The following UBTF variants were observed in gnomAD, a reference collection of about 807,000 sequenced individuals.
UBTF encodes nucleolar transcription factor 1.
In UBTF, 8 loss-of-function variants were observed where a neutral mutation model predicts 112.3. The observed-to-expected ratio is 0.07, with a 90% CI of 0.04 to 0.13. UBTF has a LOEUF of 0.13. Ranked by LOEUF, UBTF falls within the 10% of genes least tolerant of loss-of-function variation. UBTF has a pLI of 1.00. For missense variants in UBTF, 457 were observed against 982.1 expected (o/e 0.47, Z 7.15); for synonymous variants, 417 against 373.1 (o/e 1.12, Z -1.36).
At chr17:44,219,944 CG>C (rs1200059266), upstream of UBTF, among the ~76,000 whole-genome samples, 1 of 148,640 alleles carries the variant, frequency 6.7e-6, no homozygotes, top group Non-Finnish European at 1.5e-5. Context: ...GCGGGCTCCG[CG>C]GGGGGCAGCT....
chr17:44,214,800 C>T (rs960004257), intron 5 of UBTF, among the ~76,000 whole-genome samples: 5 of 152,294 alleles, frequency 3.3e-5, no homozygotes, highest in African/African-American at 1.2e-4. Flanking sequence ...AGCAGATGTG[C>T]TTCTTGTCTT....
chr17:44,218,130 A>C, intron 2 of UBTF, 42 bp downstream of exon 2: 5 of 1,599,814 alleles, frequency 3.1e-6, no homozygotes, highest in Non-Finnish European at 4.3e-6. Flanking sequence ...CACGAGGGAA[A>C]GAGGGTTTAA....
intron 1 of UBTF, chr17:44,219,171 G>T (rs2144560856): frequency 6.6e-6 from 1 of 150,906 alleles, no homozygotes; most frequent in African/African-American, 2.4e-5. Flanking sequence ...GCGCTCACCG[G>T]CCCCGCCGCC....
At chr17:44,217,208 C>G (rs937642166) in intron 2 of UBTF, among the ~76,000 whole-genome samples, 4 of 152,130 alleles carry the variant, frequency 2.6e-5, no homozygotes, top group African/African-American at 9.7e-5. Flanking sequence ...GTCTCTCCTG[C>G]ACAGCTGGAA....
Position 44,219,426 on chromosome 17 carries a change from C to A in UBTF, c.-68+19G>T. 1 of 151,774 alleles carries A rather than the reference C, an allele frequency of 6.6e-6. No individual in the cohort carries two copies. Among genetic ancestry groups the A allele is most frequent in the South Asian group, 2.0e-4 (1 of 4,998 alleles). The allele number at this position is 151,774 out of a possible 1,614,324, so 9.4% of individuals were successfully genotyped here. A position where few individuals can be genotyped will look rare whatever the true frequency, so the allele number is the denominator to read the frequency against. On this transcript the variant is annotated intron_variant, in intron 1 of 20. Coordinates refer to ENST00000436088, the MANE Select transcript of UBTF (RefSeq NM_014233.4). Reference sequence around the variant, plus strand: ...GTCCGGCCCCGACCCCAGCGCGCGTCCTCAGCCGCCTCGGTTACCCGGCGC... The same window carrying A: ...GTCCGGCCCCGACCCCAGCGCGCGTACTCAGCCGCCTCGGTTACCCGGCGC...
Position 44,207,868 on chromosome 17 carries a change from G to A in UBTF, c.1949C>T (p.Ser650Phe). The change falls in exon 18 of 21, where the codon TCC (serine) becomes TTC (phenylalanine). Residue 650 changes from serine (S) to phenylalanine (F), a missense_variant. Around this residue, in one of 7 missense-constraint regions of UBTF, gnomAD observed 139 missense variants for 157.5 expected, o/e 0.88. Coordinates refer to ENST00000436088, the MANE Select transcript of UBTF (RefSeq NM_014233.4). ...CTGCTCTGCTCCCAGACTCACATTG[G>A]AGATGTACTCTTTATATGCTGCACG... ...QDRAAYKEYI[S>F]NKRKSMTKLR... 2 of 1,614,036 alleles carry A rather than the reference G, an allele frequency of 1.2e-6. No individual in the cohort carries two copies. Among genetic ancestry groups the A allele is most frequent in the Non-Finnish European group, 1.7e-6 (2 of 1,180,006 alleles).
At chr17:44,218,760 C>G (rs2046994724) in intron 1 of UBTF, among the ~76,000 whole-genome samples, 1 of 151,378 alleles carries the variant, frequency 6.6e-6, no homozygotes, top group Non-Finnish European at 1.5e-5. Flanking sequence ...GGCCGGTTCC[C>G]CCCGCCTCCG....
intron 1 of UBTF, among the ~76,000 whole-genome samples, chr17:44,218,758 C>A (rs1186040785): frequency 6.6e-6 from 1 of 150,980 alleles, no homozygotes; most frequent in African/African-American, 2.4e-5. Flanking sequence ...CCGGCCGGTT[C>A]CCCCCGCCTC....
rs768854622 is a variant in UBTF, at chr17:44,210,401, G to A, written c.1432C>T (p.Arg478Trp). ...TTGGGGGACTCGGGCAGCTTGCCCC[G>A]TTCCTCGCGCTCCCCGCCGGGCTTC... The part of the protein sequence containing the change: ...ERKPGGEREE[R>W]GKLPESPKRA... The change falls in exon 14 of 21, where the codon CGG (arginine) becomes TGG (tryptophan). Residue 478 changes from arginine to tryptophan, a missense_variant. Physicochemically the swap from Arg to Trp is moderately radical, Grantham distance 101 (BLOSUM62 -3). Transcript: ENST00000436088. The A allele has an allele frequency of 3.1e-6, 5 of 1,613,992 alleles. No individual in the cohort carries two copies. The highest frequency in any genetic ancestry group is 4.2e-6 in the Non-Finnish European group (5 of 1,180,040).
Position 44,216,722 on chromosome 17 carries a change from A to G in UBTF, c.59-18T>C. ...CCAACGGTCTGGTAAAGAGTAACAG[A>G]GGCCATCATGCCTGGCTCATGCTAT... On this transcript the variant is annotated intron_variant, in intron 2 of 20. Transcript: ENST00000436088. 1 of 1,613,742 alleles carries G rather than the reference A, an allele frequency of 6.2e-7. No individual in the cohort carries two copies. The highest frequency in any genetic ancestry group is 8.5e-7 in the Non-Finnish European group (1 of 1,179,756).
At chr17:44,216,093 T>A in intron 3 of UBTF, 104 bp from the exon 4 acceptor site, 1 of 935,540 alleles carries the variant, frequency 1.1e-6, no homozygotes. Context: ...TTTACTAGAC[T>A]AAATTTACCA....
intron 2 of UBTF, 141 bp from the exon 3 acceptor site, chr17:44,216,845 T>C (rs2046866864): frequency 3.8e-6 from 3 of 799,978 alleles, no homozygotes; most frequent in Non-Finnish European, 6.2e-6. Flanking sequence ...AGACAAGATA[T>C]GGCTCAGCCC....
chr17:44,207,275 G>A lies in UBTF; in HGVS notation c.2262C>T (p.Ser754=). 6.2e-7 allele frequency: 1 copy of A among 1,613,540 alleles called. No individual in the cohort carries two copies. Among genetic ancestry groups the A allele is most frequent in the Middle Eastern group, 1.7e-4 (1 of 6,060 alleles). Reference sequence around the variant, plus strand: ...AGTCAGAGTCTGAGGAGTCCCCTGAGGAGGAGGAGCTGGAGCTGCTGCCCT... The same window carrying A: ...AGTCAGAGTCTGAGGAGTCCCCTGAAGAGGAGGAGCTGGAGCTGCTGCCCT... ...ESEGSSSSSS[S]SGDSSDSDSN is the part of the protein sequence containing the mutation. The change falls in exon 21 of 21, where the codon TCC becomes TCT. Residue 754 remains serine (S), a synonymous_variant. Transcript: ENST00000436088.
In UBTF at chr17:44,211,830, TC is replaced by T; in HGVS notation, c.905+42del. 6.2e-7 allele frequency: 1 copy of T among 1,603,658 alleles called. No individual in the cohort carries two copies. Among genetic ancestry groups the T allele is most frequent in the East Asian group, 2.2e-5 (1 of 44,712 alleles). On this transcript the variant is annotated intron_variant, in intron 9 of 20. Transcript: ENST00000436088. The surrounding 1 kb of genome is among the most constrained non-coding windows in gnomAD (Gnocchi z 4.9). ...CTCACCTGCAGAGCCCAGCCCAACT[TC>T]CCAGCTGCCCACTCGCCCACCCATC... is the stretch of plus-strand genomic sequence containing the variant.
chr17:44,210,584 A>C, intron 13 of UBTF, 111 bp from the exon 14 acceptor site: 4 of 1,415,148 alleles, frequency 2.8e-6, no homozygotes, highest in African/African-American at 1.5e-5. Flanking sequence ...GCTGGTGCAG[A>C]TGTCTCCCGC....
At chr17:44,208,076 T>TC in intron 17 of UBTF, among the ~76,000 whole-genome samples, 165 bp from the exon 18 acceptor site, 1 of 148,768 alleles carries the variant, frequency 6.7e-6, no homozygotes, top group Admixed American at 6.8e-5. Flanking sequence ...CCCTGGGATC[T>TC]GAGAACACAG....
chr17:44,218,107 T>C lies in UBTF; in HGVS notation c.58+65A>G. The stretch of plus-strand genomic sequence containing the variant: ...CTGAAAAAGCCCTTGAAGAAGGGAG[T>C]GAGCCCCGCAGCCACGAGGGAAAGA... On this transcript the variant is annotated intron_variant, in intron 2 of 20. Transcript: ENST00000436088. 9 of 1,515,590 alleles carry C rather than the reference T, an allele frequency of 5.9e-6. No individual in the cohort carries two copies. The South Asian group carries it at 1.0e-4, about 17-fold the overall frequency. The allele number at this position is 1,515,590 out of a possible 1,614,324, so 93.9% of individuals were successfully genotyped here. A position where few individuals can be genotyped will look rare whatever the true frequency, so the allele number is the denominator to read the frequency against.
chr17:44,210,985 C>A, intron 12 of UBTF, 38 bp from the exon 13 acceptor site: 1 of 1,599,898 alleles, frequency 6.3e-7, no homozygotes, highest in Non-Finnish European at 8.5e-7. Flanking sequence ...GTGGGTGCTG[C>A]CAGGGAGCCC....
At chr17:44,218,338 G>T in intron 1 of UBTF, 42 bp from the exon 2 acceptor site, 1 of 1,253,288 alleles carries the variant, frequency 8.0e-7, no homozygotes, top group Non-Finnish European at 1.1e-6. Flanking sequence ...AGGCTGAGAG[G>T]TGAACGACTA....
Sources: allele counts gnomAD v4.1 joint callset (sites outside exome capture counted in the v4.1 genomes callset), GRCh38; gene constraint gnomAD v4.1.1; regional missense constraint gnomAD v4.1.1; non-coding constraint Gnocchi (gnomAD v3.1); transcripts MANE v1.5; gene names NCBI Gene and HGNC (gene_info 2026-07-23, HGNC 2026-07-21).